The following FAM167A variants were observed in gnomAD, a reference collection of about 807,000 sequenced individuals.
The protein encoded by FAM167A is protein FAM167A.
A neutral mutation model predicts 14.9 loss-of-function variants in FAM167A; 23 were observed. The observed-to-expected ratio is 1.55, with a 90% CI of 1.11 to 2.19. FAM167A has a LOEUF of 2.19. Ranked by LOEUF, FAM167A falls within the 30% of genes most tolerant of loss-of-function variation. The probability of loss-of-function intolerance (pLI) is 0.00; values close to 1 mark genes in which losing one functional copy is unlikely to be tolerated. For synonymous variants in FAM167A, 174 were observed against 117.7 expected (o/e 1.48, Z -3.10); for missense variants, 401 against 281.5 (o/e 1.42, Z -3.04).
At chr8:11,431,217 G>A (rs1487322830) in intron 2 of FAM167A, among the ~76,000 whole-genome samples, 1 of 152,380 alleles carries the variant, frequency 6.6e-6, no homozygotes, top group Non-Finnish European at 1.5e-5. Context: ...GCCTTGAAAA[G>A]GAAGACAATC....
In FAM167A at chr8:11,423,810, GC is replaced by G. The variant is rs147945643; in HGVS notation, c.*562del. 7.0e-4 allele frequency: 111 copies of G among 158,146 alleles called. No individual in the cohort carries two copies. Among genetic ancestry groups the G allele is most frequent in the Non-Finnish European group, 1.4e-3 (102 of 71,276 alleles). 9.8% of individuals were successfully genotyped at this position (158,146 alleles called of 1,614,324 possible). A position where few individuals can be genotyped will look rare whatever the true frequency, so the allele number is the denominator to read the frequency against. On this transcript the variant is annotated 3_prime_UTR_variant, in exon 3 of 3. Coordinates refer to ENST00000284486, the MANE Select transcript of FAM167A (RefSeq NM_053279.3). ...ACACTGGCTGCCAGCCACTGGGGCTGCGTCCCCAAGTGCCCATTTGTCATGC... is the reference window on the plus strand; with the variant it reads ...ACACTGGCTGCCAGCCACTGGGGCTGGTCCCCAAGTGCCCATTTGTCATGC...
At chr8:11,431,416 A>G (rs1805581951) in intron 2 of FAM167A, among the ~76,000 whole-genome samples, 1 of 152,232 alleles carries the variant, frequency 6.6e-6, no homozygotes, top group African/African-American at 2.4e-5. Context: ...GCGTTTAGTG[A>G]GCACAGAGTT....
At chr8:11,435,172 C>A (rs1805922635) in intron 2 of FAM167A, 1 of 455,698 alleles carries the variant, frequency 2.2e-6, no homozygotes, top group South Asian at 1.6e-5. Flanking sequence ...CTTGCCCCCA[C>A]AGGGCAGCCA....
chr8:11,455,842 G>A lies in FAM167A; in HGVS notation c.-398+10784C>T, dbSNP rs145256097. Among the ~76,000 whole-genome samples the A allele has an allele frequency of 3.8e-4, 35 of 92,922 alleles. No homozygotes were observed. In the East Asian group the frequency reaches 0.011, roughly 30 times the overall value. 61.0% of individuals were successfully genotyped at this position (92,922 alleles called of 152,430 possible). A position where few individuals can be genotyped will look rare whatever the true frequency, so the allele number is the denominator to read the frequency against. On this transcript the variant is annotated intron_variant, in intron 1 of 2. Transcript: ENST00000284486. Reference sequence around the variant, plus strand: ...TTGCTGTGTATGAGTGTGAGTGTGAGGGTTGGTTGCCTTATGGGTATGAGT... The same window carrying A: ...TTGCTGTGTATGAGTGTGAGTGTGAAGGTTGGTTGCCTTATGGGTATGAGT...
At chr8:11,443,102 C>G (rs975571705) in intron 2 of FAM167A, among the ~76,000 whole-genome samples, 3 of 152,242 alleles carry the variant, frequency 2.0e-5, no homozygotes, top group African/African-American at 7.2e-5. Flanking sequence ...AGTGGCCTGA[C>G]TCGCAGGTGT....
intron 2 of FAM167A, among the ~76,000 whole-genome samples, chr8:11,441,199 G>C (rs1470592412): frequency 6.6e-6 from 1 of 152,182 alleles, no homozygotes; most frequent in Non-Finnish European, 1.5e-5. Context: ...CACCGAAGGA[G>C]CCCCAAGCCA....
chr8:11,444,014 T>A lies in FAM167A; in HGVS notation c.381+17A>T. On this transcript the variant is annotated intron_variant, in intron 2 of 2. Coordinates refer to ENST00000284486, the MANE Select transcript of FAM167A (RefSeq NM_053279.3). ...GCATCTCCTCTTTTCTGGGGATTCT[T>A]GGGGGCAGCCACTCACCAGTTCCTT... is the stretch of plus-strand genomic sequence containing the variant. The A allele has an allele frequency of 1.3e-6, 2 of 1,597,498 alleles. No homozygotes were observed. The highest frequency in any genetic ancestry group is 1.7e-6 in the Non-Finnish European group (2 of 1,171,196).
chr8:11,438,090 C>G (rs573001113), intron 2 of FAM167A: 1 of 455,714 alleles, frequency 2.2e-6, no homozygotes, highest in South Asian at 1.6e-5. Flanking sequence ...GGCCTCACCC[C>G]ACCCCAGCAC....
chr8:11,443,672 G>T, intron 2 of FAM167A: 1 of 219,038 alleles, frequency 4.6e-6, no homozygotes, highest in Non-Finnish European at 9.2e-6. Flanking sequence ...ACAGCAGGGT[G>T]GGGAGGTTCC....
chr8:11,471,500 C>G (rs906053931), upstream of FAM167A, among the ~76,000 whole-genome samples: 1 of 152,162 alleles, frequency 6.6e-6, no homozygotes, highest in East Asian at 1.9e-4. Flanking sequence ...GAGGTGGTGA[C>G]AGCAGGGGAC....
intron 1 of FAM167A, among the ~76,000 whole-genome samples, chr8:11,450,493 C>T (rs921442419): frequency 1.2e-4 from 19 of 152,220 alleles, no homozygotes; most frequent in Non-Finnish European, 2.5e-4. Context: ...AGTGGTGAAG[C>T]TGGGATTTGA....
intron 2 of FAM167A, among the ~76,000 whole-genome samples, chr8:11,426,998 A>G (rs1805216746): frequency 6.6e-6 from 1 of 152,184 alleles, no homozygotes; most frequent in Non-Finnish European, 1.5e-5. Flanking sequence ...ATTCAACAGA[A>G]CTGTTTTAGG....
chr8:11,433,683 G>A (rs530900664), intron 2 of FAM167A, among the ~76,000 whole-genome samples: 3 of 152,146 alleles, frequency 2.0e-5, no homozygotes, highest in Admixed American at 1.3e-4. Context: ...AGGGCATTTT[G>A]TCTGGTCCCT....
At chr8:11,457,446 C>A (rs531305808) in intron 1 of FAM167A, among the ~76,000 whole-genome samples, 5 of 152,002 alleles carry the variant, frequency 3.3e-5, no homozygotes, top group Non-Finnish European at 7.4e-5. Context: ...GCCTGGGCCA[C>A]AGGATGGAGC....
Position 11,442,821 on chromosome 8 carries a change from T to C in FAM167A, c.381+1210A>G, listed in dbSNP as rs577528283. On this transcript the variant is annotated intron_variant, in intron 2 of 2. Transcript: ENST00000284486. ...GTTACTAAAGACGGATATAATAGAA[T>C]GGTGTGTTCTGAGAAGCACTCTCGG... Among the ~76,000 whole-genome samples the C allele has an allele frequency of 4.6e-5, 7 of 152,200 alleles. No homozygotes were observed. The South Asian group carries it at 1.0e-3, about 23-fold the overall frequency.
chr8:11,432,873 C>A (rs1033308592), intron 2 of FAM167A, among the ~76,000 whole-genome samples: 5 of 152,146 alleles, frequency 3.3e-5, no homozygotes, highest in Non-Finnish European at 5.9e-5. Flanking sequence ...CCATGGAATA[C>A]TATGCAGCCA....
At chr8:11,437,053 A>G (rs767060136) in intron 2 of FAM167A, among the ~76,000 whole-genome samples, 16 of 152,266 alleles carry the variant, frequency 1.1e-4, no homozygotes, top group Non-Finnish European at 1.6e-4. Flanking sequence ...TTGTTCTCCA[A>G]AGTCACTTCA....
Sources: gnomAD v4.1 joint callset for allele counts (sites outside exome capture counted in the v4.1 genomes callset) on GRCh38, gnomAD v4.1.1 for gene constraint, MANE v1.5 for transcripts, NCBI Gene and HGNC (gene_info 2026-07-23, HGNC 2026-07-21) for gene names.